The following ANKRD17 variants were observed in gnomAD, a reference collection of about 807,000 sequenced individuals.
ANKRD17 encodes the protein ankyrin repeat domain-containing protein 17.
ANKRD17 carries 19 observed loss-of-function variants against 229.7 expected under a neutral mutation model. The ratio of observed to expected loss-of-function variants is 0.08; its 90% CI spans 0.06 to 0.12. The LOEUF is 0.12. Ranked by LOEUF, ANKRD17 falls within the 10% of genes least tolerant of loss-of-function variation. The pLI is 1.00. For synonymous variants in ANKRD17, 1,112 were observed against 1,146.1 expected (o/e 0.97, Z 0.60); for missense variants, 2,176 against 3,176.8 (o/e 0.68, Z 7.57).
intron 30 of ANKRD17, among the ~76,000 whole-genome samples, chr4:73,080,431 AAG>A (rs1375975217): frequency 3.9e-5 from 6 of 152,376 alleles, no homozygotes; most frequent in Admixed American, 1.3e-4. Context: ...TTAGAAGTAA[AAG>A]AATATTTTAG....
chr4:73,097,386 G>A lies in ANKRD17; in HGVS notation c.5022-114C>T, dbSNP rs1428917857. 8 of 888,798 alleles carry A rather than the reference G, an allele frequency of 9.0e-6. No individual in the cohort carries two copies. In the East Asian group the frequency reaches 1.6e-4, roughly 17 times the overall value. 55.1% of individuals were successfully genotyped at this position (888,798 alleles called of 1,614,324 possible). The stretch of plus-strand genomic sequence containing the variant: ...AATTTATTTTTAAATAACAAATGAC[G>A]ACCTTATTTTTCACTTCTCCTCATA... On this transcript the variant is annotated intron_variant, in intron 26 of 33. Coordinates refer to ENST00000358602, the MANE Select transcript of ANKRD17 (RefSeq NM_032217.5).
chr4:73,185,565 T>C (rs1470808750), intron 1 of ANKRD17, among the ~76,000 whole-genome samples: 1 of 152,104 alleles, frequency 6.6e-6, no homozygotes, highest in African/African-American at 2.4e-5. Context: ...AAAAAGATTT[T>C]ATATTTTTTC....
chr4:73,136,114 A>G (rs1364124247), intron 15 of ANKRD17, among the ~76,000 whole-genome samples: 2 of 152,182 alleles, frequency 1.3e-5, no homozygotes, highest in Non-Finnish European at 2.9e-5. Flanking sequence ...ATATGCTGGC[A>G]TAGGATATAC....
intron 16 of ANKRD17, among the ~76,000 whole-genome samples, chr4:73,129,973 G>A (rs1195009692): frequency 6.6e-6 from 1 of 151,798 alleles, no homozygotes; most frequent in Non-Finnish European, 1.5e-5. Context: ...CACGGTGTTA[G>A]CCAGGATGGT....
intron 1 of ANKRD17, among the ~76,000 whole-genome samples, chr4:73,184,243 T>G (rs1735966034): frequency 6.6e-6 from 1 of 152,094 alleles, no homozygotes; most frequent in Non-Finnish European, 1.5e-5. Flanking sequence ...AAAATTAGTA[T>G]ATTTTGGCCG....
At chr4:73,133,893 C>T (rs1323420307) in intron 16 of ANKRD17, among the ~76,000 whole-genome samples, 1 of 152,128 alleles carries the variant, frequency 6.6e-6, no homozygotes, top group East Asian at 1.9e-4. Flanking sequence ...CCAGCCCTGC[C>T]GCTTCTTAGC....
chr4:73,121,990 G>C (rs1337283543), intron 18 of ANKRD17, among the ~76,000 whole-genome samples: 1 of 152,026 alleles, frequency 6.6e-6, no homozygotes, highest in Non-Finnish European at 1.5e-5. Context: ...GCTACAATGT[G>C]TTCATGAAAG....
Position 73,077,540 on chromosome 4 carries a change from GCAAA to G in ANKRD17, c.7409-11_7409-8del, listed in dbSNP as rs771681753. 2.6e-6 allele frequency: 4 copies of G among 1,544,862 alleles called. No homozygotes were observed. Among genetic ancestry groups the G allele is most frequent in the Non-Finnish European group, 3.5e-6 (4 of 1,148,214 alleles). Reference sequence around the variant, plus strand: ...TTACACCAGTCTACTTTGTCTGAGGGCAAACAAAGAGGCAAAACAAAAATAGATA... The same window carrying G: ...TTACACCAGTCTACTTTGTCTGAGGGCAAAGAGGCAAAACAAAAATAGATA... On this transcript the variant is annotated splice_polypyrimidine_tract_variant and splice_region_variant and intron_variant, in intron 31 of 33. Coordinates refer to ENST00000358602, the MANE Select transcript of ANKRD17 (RefSeq NM_032217.5).
chr4:73,251,844 G>C (rs1450983732), intron 1 of ANKRD17, among the ~76,000 whole-genome samples: 1 of 152,110 alleles, frequency 6.6e-6, no homozygotes, highest in African/African-American at 2.4e-5. Context: ...GGCATAATCA[G>C]GTAACAGCAG....
chr4:73,149,134 A>C, intron 7 of ANKRD17, 84 bp from the exon 8 acceptor site: 1 of 1,109,466 alleles, frequency 9.0e-7, no homozygotes. Context: ...TTACTATACA[A>C]TGAAGTTTAT....
intron 29 of ANKRD17, among the ~76,000 whole-genome samples, chr4:73,088,738 A>G (rs1722466672): frequency 6.6e-6 from 1 of 152,152 alleles, no homozygotes; most frequent in South Asian, 2.1e-4. Flanking sequence ...ATTAAATTTT[A>G]TTTACATGTT....
intron 1 of ANKRD17, among the ~76,000 whole-genome samples, chr4:73,236,211 C>A (rs1248790873): frequency 6.6e-6 from 1 of 151,934 alleles, no homozygotes; most frequent in Non-Finnish European, 1.5e-5. Context: ...GACTGGAGTG[C>A]AGTGGTTCCA....
Position 73,141,925 on chromosome 4 carries a change from G to T in ANKRD17, c.2230-82C>A, listed in dbSNP as rs919220053. ...TGCTCTAAATAAAGAATAAATTAGAGATTTTTTGACAATATTTTTAATATG... is the reference window on the plus strand; with the variant it reads ...TGCTCTAAATAAAGAATAAATTAGATATTTTTTGACAATATTTTTAATATG... On this transcript the variant is annotated intron_variant, in intron 13 of 33. Coordinates refer to ENST00000358602, the MANE Select transcript of ANKRD17 (RefSeq NM_032217.5). 3.7e-6 allele frequency: 4 copies of T among 1,089,358 alleles called. No individual in the cohort carries two copies. The East Asian group carries it at 8.6e-5, about 23-fold the overall frequency. 67.5% of individuals were successfully genotyped at this position (1,089,358 alleles called of 1,614,324 possible). A position where few individuals can be genotyped will look rare whatever the true frequency, so the allele number is the denominator to read the frequency against.
At chr4:73,180,851 G>A (rs1370413953) in intron 1 of ANKRD17, among the ~76,000 whole-genome samples, 1 of 152,092 alleles carries the variant, frequency 6.6e-6, no homozygotes, top group Non-Finnish European at 1.5e-5. Flanking sequence ...TATAACTTTA[G>A]ACCCCCAATT....
chr4:73,149,088 ATT>A (rs1378239058), intron 7 of ANKRD17, 38 bp from the exon 8 acceptor site: 1 of 1,561,580 alleles, frequency 6.4e-7, no homozygotes, highest in Non-Finnish European at 8.7e-7. Context: ...AATCAGCACC[ATT>A]AAAAAAATCT....
At chr4:73,106,430 G>C (rs1724626001) in intron 24 of ANKRD17, among the ~76,000 whole-genome samples, 1 of 152,118 alleles carries the variant, frequency 6.6e-6, no homozygotes, top group African/African-American at 2.4e-5. Context: ...TTAGATATAT[G>C]AAAGTGAATG....
At chr4:73,111,628 G>A (rs1725330487) in intron 24 of ANKRD17, among the ~76,000 whole-genome samples, 1 of 152,112 alleles carries the variant, frequency 6.6e-6, no homozygotes, top group Non-Finnish European at 1.5e-5. Context: ...GTATAAGGGT[G>A]TTTATTACAA....
chr4:73,161,421 G>T, intron 2 of ANKRD17, 73 bp from the exon 3 acceptor site: 1 of 1,478,420 alleles, frequency 6.8e-7, no homozygotes, highest in Non-Finnish European at 9.3e-7. Context: ...GTTACTTAAA[G>T]CTATACTGTG....
In ANKRD17 at chr4:73,098,347, T is replaced by A. The variant is rs768703210; in HGVS notation, c.4747A>T (p.Ile1583Phe). ...ATTGGTAGTGGATCATCAAATATAA[T>A]TTGAACGTTTTCTGGAGTAATTTTA... ...KNKITPENVQ[I>F]IFDDPLPISY... Residue 1583 changes from isoleucine to phenylalanine, a missense_variant, in exon 26 of 34, where the codon ATT becomes TTT. Physicochemically the swap from Ile to Phe is conservative, Grantham distance 21 (BLOSUM62 0). Around this residue, in one of 18 missense-constraint regions of ANKRD17, gnomAD observed 105 missense variants for 118.3 expected, o/e 0.89. Coordinates refer to ENST00000358602, the MANE Select transcript of ANKRD17 (RefSeq NM_032217.5). The A allele has an allele frequency of 3.7e-6, 6 of 1,614,130 alleles. No individual in the cohort carries two copies. Among genetic ancestry groups the A allele is most frequent in the Non-Finnish European group, 4.2e-6 (5 of 1,180,052 alleles).
Sources: allele counts gnomAD v4.1 joint callset (sites outside exome capture counted in the v4.1 genomes callset), GRCh38; gene constraint gnomAD v4.1.1; regional missense constraint gnomAD v4.1.1; transcripts MANE v1.5; gene names NCBI Gene and HGNC (gene_info 2026-07-23, HGNC 2026-07-21).